Variants in GOLGA1 observed in about 807,000 individuals in gnomAD.
GOLGA1 encodes golgin subfamily A member 1.
A neutral mutation model predicts 119.7 loss-of-function variants in GOLGA1; 63 were observed. The ratio of observed to expected loss-of-function variants is 0.53; its 90% CI spans 0.43 to 0.65. The LOEUF is 0.65. Among genes scored for constraint, GOLGA1 ranks in the 30% least tolerant of loss-of-function variants. The pLI, the probability that GOLGA1 is intolerant of heterozygous loss-of-function variation, is 0.00. For missense variants in GOLGA1, 798 were observed against 912.8 expected, an observed-to-expected ratio of 0.87 and a Z score of 1.62; for synonymous variants, 318 against 333.4, an observed-to-expected ratio of 0.95 and a Z score of 0.50.
At chr9:124,894,516 G>A (rs1193512909) in intron 15 of GOLGA1, among the ~76,000 whole-genome samples, 2 of 151,928 alleles carry the variant, frequency 1.3e-5, no homozygotes, top group Admixed American at 1.3e-4. Context: ...GGAACTATAG[G>A]CACACAGGCT....
intron 6 of GOLGA1, 103 bp downstream of exon 6, chr9:124,928,085 C>A: frequency 1.8e-6 from 1 of 545,580 alleles, no homozygotes; most frequent in South Asian, 2.6e-5. Context: ...TTTCTCTTCT[C>A]CTAGGCTATA....
intron 10 of GOLGA1, among the ~76,000 whole-genome samples, chr9:124,915,753 C>T (rs187139159): frequency 1.3e-5 from 2 of 152,100 alleles, no homozygotes. Flanking sequence ...CCACTGCACT[C>T]CAGCCTGGGC....
Position 124,882,582 on chromosome 9 carries a change from C to G in GOLGA1, c.1906-13G>C. 3.7e-6 allele frequency: 6 copies of G among 1,609,166 alleles called. No individual in the cohort carries two copies. Among genetic ancestry groups the G allele is most frequent in the Non-Finnish European group, 5.1e-6 (6 of 1,177,564 alleles). ...TCTGCTTTATGGTCTGCGACAAGCC[C>G]CACCCCACAGAAAGCCAATCGTTAG... On this transcript the variant is annotated splice_polypyrimidine_tract_variant and intron_variant, in intron 19 of 22. Coordinates refer to ENST00000373555, the MANE Select transcript of GOLGA1 (RefSeq NM_002077.4).
chr9:124,892,097 G>C (rs915741048), intron 15 of GOLGA1, among the ~76,000 whole-genome samples: 1 of 152,166 alleles, frequency 6.6e-6, no homozygotes, highest in Non-Finnish European at 1.5e-5. Context: ...TGGGATTACA[G>C]GCATGTGCCA....
chr9:124,911,362 T>G (rs2131451802), intron 11 of GOLGA1, among the ~76,000 whole-genome samples: 1 of 152,328 alleles, frequency 6.6e-6, no homozygotes, highest in South Asian at 2.1e-4. Flanking sequence ...TTGTCACCTT[T>G]GTCACAGTGT....
intron 4 of GOLGA1, 123 bp from the exon 5 acceptor site, chr9:124,929,413 G>A: frequency 1.4e-6 from 1 of 702,096 alleles, no homozygotes; most frequent in Non-Finnish European, 2.6e-6. Flanking sequence ...TTCCTGTTAA[G>A]GAAAGCTAGA....
chr9:124,898,615 A>T lies in GOLGA1; in HGVS notation c.1341T>A (p.Leu447=), dbSNP rs1192214675. The T allele has an allele frequency of 6.2e-7, 1 of 1,611,330 alleles. No individual in the cohort carries two copies. The highest frequency in any genetic ancestry group is 8.5e-7 in the Non-Finnish European group (1 of 1,177,646). ...MRQLEQENAA[L]KECRNEYERS... is the part of the protein sequence containing the mutation. ...GTTCATATTCATTCCTGCATTCTTTAAGGGCTGCATTTTCTTGCTCCAGTT... is the reference window on the plus strand; with the variant it reads ...GTTCATATTCATTCCTGCATTCTTTTAGGGCTGCATTTTCTTGCTCCAGTT... The change falls in exon 15 of 23, where the codon CTT becomes CTA. Residue 447 remains leucine, a synonymous_variant. Transcript: ENST00000373555.
chr9:124,901,186 T>C (rs935762583), intron 12 of GOLGA1, among the ~76,000 whole-genome samples: 17 of 151,878 alleles, frequency 1.1e-4, no homozygotes, highest in African/African-American at 1.5e-4. Context: ...CTAGCCAGGA[T>C]GGTCTTGATC....
chr9:124,890,501 GC>G (rs746697142), intron 15 of GOLGA1, 23 bp from the exon 16 acceptor site: 12 of 1,566,608 alleles, frequency 7.7e-6, no homozygotes, highest in Middle Eastern at 1.7e-4. Context: ...AAACCACTGA[GC>G]CCCAAAACTT....
chr9:124,901,886 C>T (rs1830112456), intron 12 of GOLGA1, among the ~76,000 whole-genome samples: 2 of 152,216 alleles, frequency 1.3e-5, no homozygotes, highest in African/African-American at 2.4e-5. Flanking sequence ...ACTCATTCCA[C>T]AAATACTGAG....
chr9:124,921,748 G>A lies in GOLGA1; in HGVS notation c.706C>T (p.His236Tyr), dbSNP rs1830573607. The A allele has an allele frequency of 1.9e-6, 3 of 1,613,742 alleles. No homozygotes were observed. The highest frequency in any genetic ancestry group is 2.2e-5 in the South Asian group (2 of 91,068). ...CTCTGCTCTTCCAGCGTTGAGTAGTGTCTCTGCAATTCTTCTAGCTTCTGG... is the reference window on the plus strand; with the variant it reads ...CTCTGCTCTTCCAGCGTTGAGTAGTATCTCTGCAATTCTTCTAGCTTCTGG... Reference protein sequence around the residue: ...LSQKLEELQRHYSTLEEQRDH... With the variant: ...LSQKLEELQRYYSTLEEQRDH... The change falls in exon 9 of 23, where the codon CAC becomes TAC. Residue 236 changes from histidine (H) to tyrosine (Y), a missense_variant. By Grantham distance (83) the His-to-Tyr change is moderately conservative. Transcript: ENST00000373555.
At chr9:124,931,922 T>C (rs1830778140) in intron 3 of GOLGA1, among the ~76,000 whole-genome samples, 1 of 152,182 alleles carries the variant, frequency 6.6e-6, no homozygotes, top group Non-Finnish European at 1.5e-5. Context: ...AACCAATATA[T>C]TAATGAGGCA....
At chr9:124,929,160 T>G in intron 5 of GOLGA1, 56 bp downstream of exon 5, 2 of 1,027,660 alleles carry the variant, frequency 1.9e-6, no homozygotes, top group South Asian at 2.6e-5. Context: ...CACTATTGTT[T>G]CATTTCAAAA....
rs374312864 is a variant in GOLGA1, at chr9:124,929,090, A to T, written c.301+126T>A. 1.3e-3 allele frequency: 850 copies of T among 665,078 alleles called. 12 individuals carry two copies. In the South Asian group the frequency reaches 0.015, roughly 11 times the overall value. The allele number at this position is 665,078 out of a possible 1,614,324, so 41.2% of individuals were successfully genotyped here. A position where few individuals can be genotyped will look rare whatever the true frequency, so the allele number is the denominator to read the frequency against. Reference sequence around the variant, plus strand: ...TCCAAATGTTATATCAACCTGATTAAGAAGTACACTACTTATAAAATAAAG... The same window carrying T: ...TCCAAATGTTATATCAACCTGATTATGAAGTACACTACTTATAAAATAAAG... On this transcript the variant is annotated intron_variant, in intron 5 of 22. Coordinates refer to ENST00000373555, the MANE Select transcript of GOLGA1 (RefSeq NM_002077.4).
intron 5 of GOLGA1, 134 bp downstream of exon 5, chr9:124,929,082 C>A: frequency 1.5e-6 from 1 of 649,656 alleles, no homozygotes; most frequent in South Asian, 1.8e-5. Context: ...GTTATATCAA[C>A]CTGATTAAGA....
At chr9:124,898,513 C>T in intron 15 of GOLGA1, 36 bp downstream of exon 15, 1 of 1,187,712 alleles carries the variant, frequency 8.4e-7, no homozygotes, top group Non-Finnish European at 1.3e-6. Context: ...AAAACATGAA[C>T]ACTTTTATGA....
chr9:124,895,106 C>T (rs941726226), intron 15 of GOLGA1, among the ~76,000 whole-genome samples: 14 of 151,646 alleles, frequency 9.2e-5, no homozygotes, highest in Non-Finnish European at 1.9e-4. Flanking sequence ...CAGAGACCCT[C>T]CACAACAGAG....
chr9:124,929,104 TATAAA>T (rs1392910643), intron 5 of GOLGA1, 107 bp downstream of exon 5: 1 of 701,976 alleles, frequency 1.4e-6, no homozygotes, highest in East Asian at 2.7e-5. Context: ...GTACACTACT[TATAAA>T]ATAAAGATTT....
At chr9:124,914,130 T>C (rs1830391662) in intron 10 of GOLGA1, among the ~76,000 whole-genome samples, 1 of 152,168 alleles carries the variant, frequency 6.6e-6, no homozygotes, top group South Asian at 2.1e-4. Flanking sequence ...ATTACTAATG[T>C]TAATACTAGC....
Sources: allele counts gnomAD v4.1 joint callset (sites outside exome capture counted in the v4.1 genomes callset), GRCh38; gene constraint gnomAD v4.1.1; transcripts MANE v1.5; gene names NCBI Gene and HGNC (gene_info 2026-07-23, HGNC 2026-07-21).